Variants in ADGRL2 observed in about 807,000 individuals in gnomAD.
The protein encoded by ADGRL2 is adhesion G protein-coupled receptor L2.
A neutral mutation model predicts 157.4 loss-of-function variants in ADGRL2; 44 were observed. The ratio of observed to expected loss-of-function variants is 0.28; its 90% CI spans 0.22 to 0.36. The LOEUF is 0.36. Ranked by LOEUF, ADGRL2 falls within the 10% of genes least tolerant of loss-of-function variation. The pLI is 1.00. For synonymous variants in ADGRL2, 585 were observed against 624.7 expected (o/e 0.94, Z 0.95); for missense variants, 1,510 against 1,768.9 (o/e 0.85, Z 2.63).
At position 81,990,805 on chromosome 1, in the gene ADGRL2, G is replaced by A. The variant is rs767448584; in HGVS notation, c.4070G>A (p.Gly1357Glu). Reference sequence around the variant, plus strand: ...CCCCAGAAGAAAGTGAAGTCCGAGGGAACTGACAGCTATGTCTCCCAACTG... The same window carrying A: ...CCCCAGAAGAAAGTGAAGTCCGAGGAAACTGACAGCTATGTCTCCCAACTG... Reference protein sequence around the residue: ...YQPQKKVKSEGTDSYVSQLTA... With the variant: ...YQPQKKVKSEETDSYVSQLTA... The change falls in exon 24 of 24, where the codon GGA becomes GAA. Residue 1357 changes from glycine (G) to glutamate (E), a missense_variant. Around this residue, in one of 4 missense-constraint regions of ADGRL2, gnomAD observed 327 missense variants for 310.1 expected, o/e 1.05. Coordinates refer to ENST00000686636, the MANE Select transcript of ADGRL2 (RefSeq NM_001366006.2). 13 of 1,614,024 alleles carry A rather than the reference G, an allele frequency of 8.1e-6. No individual in the cohort carries two copies. The South Asian group carries it at 1.4e-4, about 18-fold the overall frequency.
chr1:81,696,614 T>C (rs561524142), upstream of ADGRL2, among the ~76,000 whole-genome samples: 44 of 151,990 alleles, frequency 2.9e-4, no homozygotes, highest in African/African-American at 8.0e-4. Flanking sequence ...TAGCCGGGTG[T>C]GGTGGCGGGC....
At chr1:81,505,188 AC>A in intron 2 of ADGRL2, 2 of 502,414 alleles carry the variant, frequency 4.0e-6, no homozygotes, top group Non-Finnish European at 7.4e-6. Context: ...ACACACGCTC[AC>A]CCCCACTCCC....
At chr1:81,543,076 T>C (rs2079925836) in intron 2 of ADGRL2, among the ~76,000 whole-genome samples, 1 of 152,108 alleles carries the variant, frequency 6.6e-6, no homozygotes, top group African/African-American at 2.4e-5. Context: ...ATTTTGAACT[T>C]CAAGATAAGT....
At position 81,827,880 on chromosome 1, in the gene ADGRL2, T is replaced by G. The variant is rs2091634071; in HGVS notation, c.-100-9005T>G. Among the ~76,000 whole-genome samples, 4 of 152,230 alleles carry G rather than the reference T, an allele frequency of 2.6e-5. No homozygotes were observed. In the South Asian group the frequency reaches 8.3e-4, roughly 31 times the overall value. On this transcript the variant is annotated intron_variant, in intron 1 of 23. Coordinates refer to ENST00000686636, the MANE Select transcript of ADGRL2 (RefSeq NM_001366006.2). Reference sequence around the variant, plus strand: ...GCACCTGGCCTGAAACTCTAATTTGTTTTGATCAGTAAATAATGCTACTTT... The same window carrying G: ...GCACCTGGCCTGAAACTCTAATTTGGTTTGATCAGTAAATAATGCTACTTT...
At chr1:81,424,087 A>G (rs911128951) in intron 1 of ADGRL2, among the ~76,000 whole-genome samples, 2 of 152,194 alleles carry the variant, frequency 1.3e-5, no homozygotes, top group Non-Finnish European at 2.9e-5. Flanking sequence ...TTTCTGGAGT[A>G]AGATTAATTT....
chr1:81,764,286 T>A (rs1261344664), intron 2 of ADGRL2, among the ~76,000 whole-genome samples: 1 of 151,902 alleles, frequency 6.6e-6, no homozygotes, highest in Non-Finnish European at 1.5e-5. Flanking sequence ...AAATCGTTTA[T>A]TATTAATAAT....
intron 2 of ADGRL2, among the ~76,000 whole-genome samples, chr1:81,855,821 C>T (rs1188483766): frequency 6.6e-6 from 1 of 151,866 alleles, no homozygotes; most frequent in African/African-American, 2.4e-5. Flanking sequence ...TGGAGTAATC[C>T]AAGCAAGAAA....
intron 1 of ADGRL2, among the ~76,000 whole-genome samples, chr1:81,389,450 T>C (rs536883055): frequency 6.6e-6 from 1 of 152,324 alleles, no homozygotes; most frequent in South Asian, 2.1e-4. Flanking sequence ...AACAGCTTAG[T>C]ATTTTTCCTA....
intron 2 of ADGRL2, among the ~76,000 whole-genome samples, chr1:81,544,502 A>G (rs1394914389): frequency 6.6e-6 from 1 of 152,194 alleles, no homozygotes; most frequent in African/African-American, 2.4e-5. Flanking sequence ...AGTTAATTTA[A>G]TATCTGGTAA....
chr1:81,784,318 T>C (rs1037841681), intron 2 of ADGRL2, among the ~76,000 whole-genome samples: 1 of 152,178 alleles, frequency 6.6e-6, no homozygotes, highest in African/African-American at 2.4e-5. Context: ...TGTTCAGTAG[T>C]GGTGTTTCAA....
intron 15 of ADGRL2, 125 bp from the exon 16 acceptor site, chr1:81,970,189 G>C: frequency 1.4e-6 from 1 of 718,132 alleles, no homozygotes; most frequent in East Asian, 2.6e-5. Flanking sequence ...GGAAGCATTA[G>C]TTTACTCTGA....
intron 1 of ADGRL2, among the ~76,000 whole-genome samples, chr1:81,819,458 A>G (rs1342267312): frequency 1.3e-5 from 2 of 152,118 alleles, no homozygotes; most frequent in African/African-American, 4.8e-5. Flanking sequence ...GTTGGTATGT[A>G]TATTTTTAAA....
chr1:81,966,122 C>T lies in ADGRL2; in HGVS notation c.2082C>T (p.Ile694=). Reference sequence around the variant, plus strand: ...AAGACTTTAAATTTCCTCTGGGCATCAAAGGAGCAGGCAGCTCAATCCAAC... The same window carrying T: ...AAGACTTTAAATTTCCTCTGGGCATTAAAGGAGCAGGCAGCTCAATCCAAC... ...QIQDFKFPLG[I]KGAGSSIQLS... Residue 694 remains isoleucine (I), a synonymous_variant, in exon 12 of 24, where the codon ATC becomes ATT. Transcript: ENST00000686636. 1.9e-6 allele frequency: 3 copies of T among 1,613,958 alleles called. No homozygotes were observed. Among genetic ancestry groups the T allele is most frequent in the South Asian group, 1.1e-5 (1 of 91,076 alleles).
Position 81,503,510 on chromosome 1 carries a change from G to C in ADGRL2, c.-248+58421G>C, listed in dbSNP as rs200945455. On this transcript the variant is annotated intron_variant, in intron 2 of 24. Coordinates refer to the ADGRL2 transcript ENST00000370721. ...TTTCCACTTGCCACTCTCCAGTCGA[G>C]AGTGAAGGAAGTTGATGCACAGAAT... 1,419 of 1,595,520 alleles carry C rather than the reference G, an allele frequency of 8.9e-4. 3 individuals carry two copies. Among genetic ancestry groups the C allele is most frequent in the Middle Eastern group, 2.4e-3 (13 of 5,530 alleles).
chr1:81,555,627 C>A (rs922676601), intron 2 of ADGRL2, among the ~76,000 whole-genome samples: 5 of 152,014 alleles, frequency 3.3e-5, no homozygotes, highest in African/African-American at 1.2e-4. Context: ...ACCTGAAAAA[C>A]TAACAAGAAA....
At chr1:81,594,763 C>T (rs2081199731) in intron 3 of ADGRL2, among the ~76,000 whole-genome samples, 1 of 152,102 alleles carries the variant, frequency 6.6e-6, no homozygotes, top group Admixed American at 6.6e-5. Context: ...ATATTTAAAA[C>T]TTGGTAAGCC....
chr1:81,524,188 A>G (rs1474051913), intron 2 of ADGRL2, among the ~76,000 whole-genome samples: 2 of 146,210 alleles, frequency 1.4e-5, no homozygotes, highest in South Asian at 2.2e-4. Context: ...GTGAAACCCC[A>G]TCTCTACTAA....
intron 1 of ADGRL2, among the ~76,000 whole-genome samples, chr1:81,808,741 T>C (rs1051710375): frequency 6.6e-6 from 1 of 152,070 alleles, no homozygotes; most frequent in Non-Finnish European, 1.5e-5. Flanking sequence ...TTACATTGAA[T>C]TCTAAATCCC....
intron 11 of ADGRL2, among the ~76,000 whole-genome samples, chr1:81,964,318 T>C (rs968709448): frequency 2.0e-5 from 3 of 152,136 alleles, no homozygotes; most frequent in Non-Finnish European, 2.9e-5. Context: ...TTTTAAGATA[T>C]GAAAGCTTCT....
Sources: gnomAD v4.1 joint callset for allele counts (sites outside exome capture counted in the v4.1 genomes callset) on GRCh38, gnomAD v4.1.1 for gene constraint, gnomAD v4.1.1 regional missense constraint, MANE v1.5 for transcripts, NCBI Gene and HGNC (gene_info 2026-07-23, HGNC 2026-07-21) for gene names.